MAF: variants seen among roughly 807,000 people sequenced by gnomAD.
MAF encodes the protein transcription factor Maf.
In MAF, 10 loss-of-function variants were observed where a neutral mutation model predicts 22.0. The ratio of observed to expected loss-of-function variants is 0.45; its 90% CI spans 0.28 to 0.77. The LOEUF is 0.77. Ranked by LOEUF, MAF falls within the 30% of genes least tolerant of loss-of-function variation. The pLI is 0.12. For synonymous variants in MAF, 337 were observed against 255.8 expected (o/e 1.32, Z -3.03); for missense variants, 544 against 548.4 (o/e 0.99, Z 0.08).
At chr16:79,383,916 C>T in the MAF span, among the ~76,000 whole-genome samples, 1 of 152,106 alleles carries the variant, frequency 6.6e-6, no homozygotes, top group Non-Finnish European at 1.5e-5. Flanking sequence ...AAACTTTTCC[C>T]CCCAAAAGTA....
chr16:79,439,257 C>G, the MAF span, among the ~76,000 whole-genome samples: 1 of 130,804 alleles, frequency 7.6e-6, no homozygotes, highest in Non-Finnish European at 1.6e-5. Context: ...TAGGTACTTA[C>G]TTTTTTTTTT....
At chr16:79,339,420 G>A in the MAF span, among the ~76,000 whole-genome samples, 1 of 152,212 alleles carries the variant, frequency 6.6e-6, no homozygotes, top group African/African-American at 2.4e-5. Flanking sequence ...CTGCTGGCTG[G>A]GTGCAGATGC....
chr16:79,307,671 C>G, the MAF span, among the ~76,000 whole-genome samples: 4 of 152,132 alleles, frequency 2.6e-5, no homozygotes, highest in African/African-American at 7.2e-5. Flanking sequence ...ACACAATGGA[C>G]TAATGTGCAA....
the MAF span, among the ~76,000 whole-genome samples, chr16:79,472,578 A>C: frequency 6.6e-6 from 1 of 152,182 alleles, no homozygotes; most frequent in Admixed American, 6.5e-5. Context: ...AAATTTATAC[A>C]GACAGGAAGT....
the MAF span, among the ~76,000 whole-genome samples, chr16:79,413,029 T>C: frequency 6.6e-6 from 1 of 151,980 alleles, no homozygotes; most frequent in Non-Finnish European, 1.5e-5. Flanking sequence ...AAACAGTAAG[T>C]AGAGAAAAAA....
the MAF span, among the ~76,000 whole-genome samples, chr16:79,273,911 C>G: frequency 7.4e-5 from 11 of 148,418 alleles, no homozygotes; most frequent in African/African-American, 2.7e-4. Context: ...AGCTGGAGGT[C>G]TGCAGAATCA....
At chr16:79,568,271 C>T in the MAF span, among the ~76,000 whole-genome samples, 1 of 152,148 alleles carries the variant, frequency 6.6e-6, no homozygotes, top group African/African-American at 2.4e-5. Flanking sequence ...TGGATGGCCC[C>T]TAATGGTCCC....
the MAF span, among the ~76,000 whole-genome samples, chr16:79,339,428 T>C: frequency 2.6e-5 from 4 of 152,130 alleles, no homozygotes; most frequent in Non-Finnish European, 5.9e-5. Flanking sequence ...TGGGTGCAGA[T>C]GCCATTGAGG....
the MAF span, chr16:79,516,364 T>C: frequency 6.6e-6 from 1 of 152,208 alleles, no homozygotes; most frequent in African/African-American, 2.4e-5. Flanking sequence ...CAACTTCCCA[T>C]GGCGAAGGGG....
chr16:79,369,196 G>T, the MAF span, among the ~76,000 whole-genome samples: 1 of 152,220 alleles, frequency 6.6e-6, no homozygotes, highest in Non-Finnish European at 1.5e-5. Flanking sequence ...GAGTTTTGTA[G>T]CCAGTAAGTA....
the MAF span, among the ~76,000 whole-genome samples, chr16:79,256,740 A>G: frequency 6.6e-6 from 1 of 152,230 alleles, no homozygotes; most frequent in African/African-American, 2.4e-5. Context: ...TGTGAGATGC[A>G]TGATGCTAGG....
At chr16:79,293,853 GA>G in the MAF span, among the ~76,000 whole-genome samples, 1 of 152,002 alleles carries the variant, frequency 6.6e-6, no homozygotes, top group Non-Finnish European at 1.5e-5. Flanking sequence ...GAGAGAGAGA[GA>G]GAGAGAGAGA....
chr16:79,354,964 G>A, the MAF span, among the ~76,000 whole-genome samples: 1 of 150,014 alleles, frequency 6.7e-6, no homozygotes, highest in Non-Finnish European at 1.5e-5. Flanking sequence ...CAAAGCTCTT[G>A]GCAGGGGATT....
chr16:79,572,781 C>A, the MAF span, among the ~76,000 whole-genome samples: 1 of 152,172 alleles, frequency 6.6e-6, no homozygotes, highest in Non-Finnish European at 1.5e-5. Context: ...TCCTCCCCAA[C>A]TCACACACAT....
At chr16:79,485,033 T>C in the MAF span, among the ~76,000 whole-genome samples, 1 of 152,204 alleles carries the variant, frequency 6.6e-6, no homozygotes, top group African/African-American at 2.4e-5. Context: ...GACATCATGC[T>C]TCTTGGCCTG....
chr16:79,304,721 T>C, the MAF span, among the ~76,000 whole-genome samples: 2 of 152,170 alleles, frequency 1.3e-5, no homozygotes, highest in African/African-American at 4.8e-5. Context: ...CATATTTTGT[T>C]TCAGAGAAAA....
chr16:79,493,828 T>G, the MAF span, among the ~76,000 whole-genome samples: 30 of 152,114 alleles, frequency 2.0e-4, no homozygotes, highest in African/African-American at 7.2e-4. Flanking sequence ...GGAAAGACTT[T>G]GCTTCCCCCA....
chr16:79,336,867 G>T, the MAF span, among the ~76,000 whole-genome samples: 1 of 152,114 alleles, frequency 6.6e-6, no homozygotes, highest in African/African-American at 2.4e-5. Context: ...ATCCTGGTTT[G>T]GATTTATTTA....
chr16:79,353,239 A>G, the MAF span, among the ~76,000 whole-genome samples: 1 of 151,958 alleles, frequency 6.6e-6, no homozygotes, highest in African/African-American at 2.4e-5. Flanking sequence ...CTCTTGCCTC[A>G]GCCTCCTGCC....
Sources: gnomAD v4.1 joint callset for allele counts (sites outside exome capture counted in the v4.1 genomes callset) on GRCh38, gnomAD v4.1.1 for gene constraint, MANE v1.5 for transcripts, NCBI Gene and HGNC (gene_info 2026-07-23, HGNC 2026-07-21) for gene names.